The following GALNTL5 variants were observed in gnomAD, a reference collection of about 807,000 sequenced individuals.
The protein encoded by GALNTL5 is inactive polypeptide N-acetylgalactosaminyltransferase-like protein 5.
In GALNTL5, 44 loss-of-function variants were observed where a neutral mutation model predicts 51.0. That is an observed-to-expected ratio of 0.86 (90% CI 0.68 to 1.11). The LOEUF (loss-of-function observed/expected upper bound fraction) is 1.11. Among genes scored for constraint, GALNTL5 ranks in the 50% least tolerant of loss-of-function variants. GALNTL5 has a pLI of 0.00. For synonymous variants in GALNTL5, 192 were observed against 182.8 expected (o/e 1.05, Z -0.41); for missense variants, 528 against 531.8 (o/e 0.99, Z 0.07).
At chr7:151,999,046 G>C (rs1206582299) in intron 5 of GALNTL5, among the ~76,000 whole-genome samples, 1 of 152,148 alleles carries the variant, frequency 6.6e-6, no homozygotes, top group Admixed American at 6.6e-5. Context: ...CCATTAAGCA[G>C]CTTCCTTCCC....
At chr7:152,015,082 G>C (rs916704953) in intron 8 of GALNTL5, among the ~76,000 whole-genome samples, 1 of 152,160 alleles carries the variant, frequency 6.6e-6, no homozygotes, top group Non-Finnish European at 1.5e-5. Context: ...GTTATTGATA[G>C]TTGTTCTTTT....
chr7:152,006,898 G>T (rs1227467543), intron 6 of GALNTL5, among the ~76,000 whole-genome samples: 2 of 152,152 alleles, frequency 1.3e-5, no homozygotes, highest in Admixed American at 1.3e-4. Flanking sequence ...GTCCTGGGTA[G>T]CTGGGATTAC....
At chr7:151,962,451 T>G in intron 1 of GALNTL5, among the ~76,000 whole-genome samples, 1 of 148,120 alleles carries the variant, frequency 6.8e-6, no homozygotes, top group South Asian at 2.1e-4. Flanking sequence ...TTTTTTTTTT[T>G]GGTTAATGCA....
intron 1 of GALNTL5, among the ~76,000 whole-genome samples, chr7:151,959,648 T>C (rs2080968353): frequency 1.3e-5 from 2 of 152,304 alleles, no homozygotes; most frequent in African/African-American, 2.4e-5. Context: ...ACACCCTGCG[T>C]GCCTGCTGGT....
intron 5 of GALNTL5, among the ~76,000 whole-genome samples, chr7:151,992,902 G>A (rs977678496): frequency 5.3e-5 from 8 of 151,942 alleles, no homozygotes; most frequent in Admixed American, 6.6e-5. Flanking sequence ...CGTGCTCTCC[G>A]CCCCTTCTCA....
chr7:152,007,219 A>G (rs964064661), intron 6 of GALNTL5, among the ~76,000 whole-genome samples: 1 of 152,182 alleles, frequency 6.6e-6, no homozygotes, highest in Non-Finnish European at 1.5e-5. Context: ...CCTGCTACCC[A>G]GTTCAATTGT....
chr7:151,968,705 G>A (rs1240226185), intron 2 of GALNTL5, among the ~76,000 whole-genome samples: 1 of 152,214 alleles, frequency 6.6e-6, no homozygotes, highest in Non-Finnish European at 1.5e-5. Flanking sequence ...TATTGGGATG[G>A]CCAAACTGTT....
At chr7:151,969,675 GCAGC>G (rs2081105210) in intron 2 of GALNTL5, among the ~76,000 whole-genome samples, 1 of 152,106 alleles carries the variant, frequency 6.6e-6, no homozygotes, top group Non-Finnish European at 1.5e-5. Flanking sequence ...GCATTTTATT[GCAGC>G]CCACAATGCA....
chr7:151,998,535 G>A (rs1262536632), intron 5 of GALNTL5, among the ~76,000 whole-genome samples: 1 of 152,162 alleles, frequency 6.6e-6, no homozygotes, highest in Non-Finnish European at 1.5e-5. Context: ...ACTTTGGAAG[G>A]CTGAGGCAGG....
chr7:151,974,581 A>C (rs1423615354), intron 3 of GALNTL5, among the ~76,000 whole-genome samples: 3 of 152,232 alleles, frequency 2.0e-5, no homozygotes, highest in Non-Finnish European at 4.4e-5. Context: ...GAGTTTGTAC[A>C]TGATGACACA....
chr7:151,957,132 T>G (rs2080935333), intron 1 of GALNTL5, among the ~76,000 whole-genome samples: 1 of 136,848 alleles, frequency 7.3e-6, no homozygotes, highest in African/African-American at 2.8e-5. Context: ...AGAGTGAGAC[T>G]CTGTCTCGAG....
At chr7:151,964,777 G>A (rs2081036916) in intron 1 of GALNTL5, among the ~76,000 whole-genome samples, 1 of 152,184 alleles carries the variant, frequency 6.6e-6, no homozygotes, top group Admixed American at 6.5e-5. Context: ...TGTCTTCAGG[G>A]GGACGACCCA....
chr7:151,968,163 G>A (rs926644972), intron 2 of GALNTL5, among the ~76,000 whole-genome samples: 1 of 152,102 alleles, frequency 6.6e-6, no homozygotes, highest in African/African-American at 2.4e-5. Flanking sequence ...GCCAGGTGTA[G>A]TGGTGCATGC....
In GALNTL5 at chr7:151,987,221, A is replaced by C. The variant is rs578223978; in HGVS notation, c.598A>C (p.Arg200=). 8.7e-6 allele frequency: 14 copies of C among 1,600,586 alleles called. No homozygotes were observed. In the East Asian group the frequency reaches 1.8e-4, roughly 21 times the overall value. The change falls in exon 5 of 9, where the codon AGA becomes CGA. Residue 200 remains arginine, a synonymous_variant. Transcript: ENST00000392800. ...ETFRGKVKII[R]NKKREGLIRA... ...TTTTCGGGGAAAGGTTAAAATAATA[A>C]GAAACAAAAAGAGAGAGGGGCTGAT...
At chr7:151,985,568 G>A (rs563088981) in intron 4 of GALNTL5, among the ~76,000 whole-genome samples, 182 of 151,870 alleles carry the variant, frequency 1.2e-3, no homozygotes, top group African/African-American at 4.3e-3. Context: ...CAGGGCCAGG[G>A]GCCCAGGGAA....
chr7:151,981,577 CCTTCCTTCCTTCCCTCCTTCCTTCCT>C (rs2081288632), intron 3 of GALNTL5, among the ~76,000 whole-genome samples: 3 of 20,446 alleles, frequency 1.5e-4, no homozygotes, highest in Non-Finnish European at 2.2e-4. Flanking sequence ...TTCCTTCCTT[CCTTCCTTCCTTCCCTCCTTCCTTCCT>C]TCCCTCCTTC....
At chr7:151,996,341 A>G (rs1362759891) in intron 5 of GALNTL5, among the ~76,000 whole-genome samples, 1 of 151,914 alleles carries the variant, frequency 6.6e-6, no homozygotes, top group Non-Finnish European at 1.5e-5. Context: ...TATGTCTCCT[A>G]ATGCTATCCC....
At chr7:151,971,742 G>A (rs2081146661) in intron 3 of GALNTL5, among the ~76,000 whole-genome samples, 1 of 152,162 alleles carries the variant, frequency 6.6e-6, no homozygotes, top group Non-Finnish European at 1.5e-5. Flanking sequence ...CATGGGGGTG[G>A]TTTCCCTCAT....
intron 8 of GALNTL5, among the ~76,000 whole-genome samples, chr7:152,015,761 G>A (rs1011959193): frequency 2.6e-5 from 4 of 152,024 alleles, no homozygotes; most frequent in Admixed American, 1.3e-4. Flanking sequence ...ACCACTTTTC[G>A]ACCAACAGCC....
Sources: gnomAD v4.1 joint callset for allele counts (sites outside exome capture counted in the v4.1 genomes callset) on GRCh38, gnomAD v4.1.1 for gene constraint, MANE v1.5 for transcripts, NCBI Gene and HGNC (gene_info 2026-07-23, HGNC 2026-07-21) for gene names.